The following DLGAP1 variants were observed in gnomAD, a reference collection of about 807,000 sequenced individuals.
DLGAP1 encodes disks large-associated protein 1.
DLGAP1 carries 11 observed loss-of-function variants against 90.8 expected under a neutral mutation model. The observed-to-expected ratio is 0.12, with a 90% confidence interval of 0.08 to 0.20. The LOEUF (loss-of-function observed/expected upper bound fraction) is 0.20, where lower values mean the gene tolerates loss of function less well. Ranked by LOEUF, DLGAP1 falls within the 10% of genes least tolerant of loss-of-function variation. The pLI, the probability that DLGAP1 is intolerant of heterozygous loss-of-function variation, is 1.00. For synonymous variants in DLGAP1, 558 were observed against 540.7 expected (o/e 1.03, Z -0.44); for missense variants, 1,050 against 1,333.8 (o/e 0.79, Z 3.31).
chr18:4,314,348 A>G (rs907121945), intron 1 of DLGAP1, among the ~76,000 whole-genome samples: 11 of 152,020 alleles, frequency 7.2e-5, no homozygotes, highest in African/African-American at 2.7e-4. Context: ...TGAAGACCCA[A>G]TAAGATTTTA....
chr18:4,082,341 C>CAA (rs34416813), intron 2 of DLGAP1, among the ~76,000 whole-genome samples: 5,110 of 78,666 alleles, frequency 0.065, 300 homozygotes, highest in East Asian at 0.26. Context: ...GACTCCATCT[C>CAA]AAAAAAAAAA....
At chr18:4,313,430 T>C (rs2080451576) in intron 1 of DLGAP1, among the ~76,000 whole-genome samples, 1 of 152,126 alleles carries the variant, frequency 6.6e-6, no homozygotes, top group Admixed American at 6.5e-5. Context: ...TGCAGCTACA[T>C]GAGGGGAGTG....
intron 1 of DLGAP1, among the ~76,000 whole-genome samples, chr18:4,272,234 C>T (rs1598778259): frequency 1.3e-5 from 2 of 152,266 alleles, no homozygotes; most frequent in Non-Finnish European, 2.9e-5. Flanking sequence ...TTCTGAAGAA[C>T]TGTCATCTAC....
At chr18:3,524,305 G>GGT (rs1483695120) in intron 10 of DLGAP1, among the ~76,000 whole-genome samples, 1 of 151,530 alleles carries the variant, frequency 6.6e-6, no homozygotes, top group African/African-American at 2.4e-5. Context: ...AAGAAATTGT[G>GGT]GTATATATAT....
At chr18:3,857,962 T>C (rs931166261) in intron 4 of DLGAP1, among the ~76,000 whole-genome samples, 1 of 152,194 alleles carries the variant, frequency 6.6e-6, no homozygotes, top group African/African-American at 2.4e-5. Flanking sequence ...TCCATCTTTA[T>C]TGCTTCAATC....
chr18:4,208,601 C>T (rs552036611), intron 1 of DLGAP1, among the ~76,000 whole-genome samples: 10 of 152,182 alleles, frequency 6.6e-5, no homozygotes, highest in East Asian at 3.9e-4. Flanking sequence ...TTGGGAGTTT[C>T]GCAATAGGGA....
At chr18:4,055,964 C>T (rs550415879) in intron 2 of DLGAP1, among the ~76,000 whole-genome samples, 6 of 152,234 alleles carry the variant, frequency 3.9e-5, no homozygotes, top group East Asian at 3.9e-4. Context: ...TAAAAGAAAA[C>T]GACTCTCACA....
intron 5 of DLGAP1, among the ~76,000 whole-genome samples, chr18:3,790,275 T>C (rs2065669386): frequency 2.1e-5 from 1 of 48,234 alleles, no homozygotes; most frequent in Non-Finnish European, 7.3e-5. Context: ...TTTTTTTTCT[T>C]TTTTTTTTTT....
intron 5 of DLGAP1, among the ~76,000 whole-genome samples, chr18:3,750,765 G>A (rs911537053): frequency 6.6e-6 from 1 of 152,128 alleles, no homozygotes; most frequent in Non-Finnish European, 1.5e-5. Context: ...GTTTCCCCAC[G>A]TGATCACGCA....
intron 1 of DLGAP1, among the ~76,000 whole-genome samples, chr18:4,223,710 A>G (rs2078127412): frequency 6.6e-6 from 1 of 152,186 alleles, no homozygotes. Flanking sequence ...CCTTGTCAGA[A>G]ATGCAAAATT....
chr18:3,802,261 G>C (rs2066341801), intron 5 of DLGAP1, among the ~76,000 whole-genome samples: 1 of 147,460 alleles, frequency 6.8e-6, no homozygotes, highest in Non-Finnish European at 1.5e-5. Flanking sequence ...GGGATTACAG[G>C]CATGAGCCAC....
At chr18:3,974,148 C>T (rs1435596563) in intron 3 of DLGAP1, among the ~76,000 whole-genome samples, 1 of 151,886 alleles carries the variant, frequency 6.6e-6, no homozygotes, top group Non-Finnish European at 1.5e-5. Flanking sequence ...AATCTCGGCT[C>T]ACTGCAACCT....
At chr18:3,852,405 G>A (rs2069393041) in intron 4 of DLGAP1, among the ~76,000 whole-genome samples, 1 of 152,154 alleles carries the variant, frequency 6.6e-6, no homozygotes, top group Non-Finnish European at 1.5e-5. Flanking sequence ...TAGAAGGCAG[G>A]AGTCAAAGAT....
At chr18:3,927,409 A>G (rs553691495) in intron 3 of DLGAP1, among the ~76,000 whole-genome samples, 5 of 152,372 alleles carry the variant, frequency 3.3e-5, no homozygotes, top group Non-Finnish European at 7.3e-5. Flanking sequence ...ATCAGCATCA[A>G]TGCTTGGCAA....
At chr18:4,247,857 T>C (rs1384476939) in intron 1 of DLGAP1, among the ~76,000 whole-genome samples, 8 of 152,190 alleles carry the variant, frequency 5.3e-5, no homozygotes, top group Admixed American at 3.9e-4. Flanking sequence ...TAAATGTCTT[T>C]TGGAAGGTCA....
At chr18:3,937,776 C>T (rs1568309367) in intron 3 of DLGAP1, among the ~76,000 whole-genome samples, 2 of 152,156 alleles carry the variant, frequency 1.3e-5, no homozygotes, top group South Asian at 4.1e-4. Context: ...ATCTTTATTT[C>T]ACACGTGATT....
At chr18:4,408,431 G>A (rs2082710051) in intron 1 of DLGAP1, among the ~76,000 whole-genome samples, 1 of 151,916 alleles carries the variant, frequency 6.6e-6, no homozygotes, top group South Asian at 2.1e-4. Flanking sequence ...TTTTTTATAA[G>A]CATAAGGCCA....
chr18:4,346,304 T>C (rs1184633790), intron 1 of DLGAP1, among the ~76,000 whole-genome samples: 1 of 152,152 alleles, frequency 6.6e-6, no homozygotes, highest in Non-Finnish European at 1.5e-5. Context: ...GGAATTCATG[T>C]CAAAATTTGG....
intron 1 of DLGAP1, among the ~76,000 whole-genome samples, chr18:4,376,155 T>C (rs889792035): frequency 2.0e-4 from 31 of 152,178 alleles, no homozygotes; most frequent in African/African-American, 6.5e-4. Context: ...TTGGCATCTA[T>C]AAAGGAATTA....
Sources: gnomAD v4.1 joint callset for allele counts (sites outside exome capture counted in the v4.1 genomes callset) on GRCh38, gnomAD v4.1.1 for gene constraint, MANE v1.5 for transcripts, NCBI Gene and HGNC (gene_info 2026-07-23, HGNC 2026-07-21) for gene names.